FAM120B: variants seen among roughly 807,000 people sequenced by gnomAD.
FAM120B encodes constitutive coactivator of peroxisome proliferator-activated receptor gamma.
Under a neutral mutation model 96.3 loss-of-function variants are expected in FAM120B, and 83 were observed. The observed-to-expected ratio is 0.86, with a 90% confidence interval of 0.72 to 1.03. FAM120B has a LOEUF of 1.03. FAM120B is among the 50% of genes least tolerant of loss of function. FAM120B has a pLI of 0.00. For missense variants in FAM120B, 1,027 were observed against 1,121.2 expected (o/e 0.92, Z 1.20); for synonymous variants, 407 against 402.7 (o/e 1.01, Z -0.13).
chr6:170,373,872 C>T (rs1409040307), intron 6 of FAM120B, among the ~76,000 whole-genome samples: 1 of 152,114 alleles, frequency 6.6e-6, no homozygotes, highest in Non-Finnish European at 1.5e-5. Flanking sequence ...TTGTTGATGC[C>T]GGATATAAAT....
At chr6:170,379,085 T>C (rs1789752507) in intron 6 of FAM120B, among the ~76,000 whole-genome samples, 1 of 152,188 alleles carries the variant, frequency 6.6e-6, no homozygotes, top group Non-Finnish European at 1.5e-5. Flanking sequence ...AGGAATGACA[T>C]GACCCAACTC....
At chr6:170,404,709 C>T in intron 10 of FAM120B, 54 bp from the exon 11 acceptor site, 1 of 837,468 alleles carries the variant, frequency 1.2e-6, no homozygotes, top group Non-Finnish European at 2.0e-6. Context: ...ATATTGAATC[C>T]TGCTGACCTG....
At chr6:170,390,980 C>G (rs1344078456) in intron 7 of FAM120B, 33 bp from the exon 8 acceptor site, 2 of 1,585,460 alleles carry the variant, frequency 1.3e-6, no homozygotes, top group East Asian at 2.2e-5. Flanking sequence ...CATCTGGCCC[C>G]TCACATCTCA....
In FAM120B at chr6:170,391,040, C is replaced by T. The variant is rs775049495; in HGVS notation, c.2518C>T (p.Leu840=). Residue 840 remains leucine (L), a synonymous_variant, in exon 8 of 11, where the codon CTG becomes TTG. Transcript: ENST00000476287. ...ATCTCGGCTCACCAAATTCCACAAC[C>T]TGAAGGCAGTCGTCTGCAAGGCCTG... ...NRSRLTKFHN[L]KAVVCKACMK... is the part of the protein sequence containing the mutation. The T allele has an allele frequency of 1.7e-5, 28 of 1,614,062 alleles. No individual in the cohort carries two copies. The highest frequency in any genetic ancestry group is 8.5e-7 in the Non-Finnish European group (1 of 1,180,052).
chr6:170,317,285 A>G (rs1395897802), intron 1 of FAM120B, 85 bp from the exon 2 acceptor site: 1 of 1,081,112 alleles, frequency 9.2e-7, no homozygotes, highest in African/African-American at 1.6e-5. Context: ...AACAGTGTGA[A>G]TATTAACTAC....
intron 1 of FAM120B, among the ~76,000 whole-genome samples, chr6:170,313,063 A>T (rs1784686147): frequency 1.3e-5 from 2 of 152,218 alleles, no homozygotes; most frequent in African/African-American, 4.8e-5. Flanking sequence ...GTGATTGGGA[A>T]TTCTTGCAAA....
At chr6:170,353,691 AT>A (rs1787722129) in intron 5 of FAM120B, among the ~76,000 whole-genome samples, 1 of 152,228 alleles carries the variant, frequency 6.6e-6, no homozygotes, top group Admixed American at 6.5e-5. Context: ...AAAGAATAAA[AT>A]ACCTAGTAAT....
intron 4 of FAM120B, among the ~76,000 whole-genome samples, chr6:170,333,293 C>G (rs1786188066): frequency 6.6e-6 from 1 of 151,790 alleles, no homozygotes; most frequent in Non-Finnish European, 1.5e-5. Flanking sequence ...GCCCCTTCTT[C>G]CGTGTGAAGG....
At chr6:170,396,441 T>C (rs1044070669) in intron 9 of FAM120B, among the ~76,000 whole-genome samples, 2 of 152,256 alleles carry the variant, frequency 1.3e-5, no homozygotes, top group African/African-American at 4.8e-5. Flanking sequence ...AGATGAGAAT[T>C]GATGGTGAAT....
rs1785130823 is a variant in FAM120B at position 170,319,133 on chromosome 6, A to G, written c.1734+9A>G. The G allele has an allele frequency of 6.5e-7, 1 of 1,539,214 alleles. No homozygotes were observed. Among genetic ancestry groups the G allele is most frequent in the Non-Finnish European group, 8.7e-7 (1 of 1,151,646 alleles). On this transcript the variant is annotated intron_variant, in intron 2 of 10. Transcript: ENST00000476287. ...ACACTGAAATCTTAAAGGTATGTGT[A>G]TCTGCCCAGCCAATATGCCATGATT...
chr6:170,357,718 T>C (rs574111775), intron 5 of FAM120B, among the ~76,000 whole-genome samples: 199 of 152,346 alleles, frequency 1.3e-3, no homozygotes, highest in Non-Finnish European at 2.2e-3. Context: ...CTGGTCTTGG[T>C]TGGCACCTCA....
chr6:170,346,283 C>G (rs1312370445), intron 4 of FAM120B, among the ~76,000 whole-genome samples: 1 of 152,016 alleles, frequency 6.6e-6, no homozygotes, highest in Non-Finnish European at 1.5e-5. Flanking sequence ...GGGACATGAC[C>G]TTTCAGCCAT....
At chr6:170,354,030 G>A (rs1787741302) in intron 5 of FAM120B, among the ~76,000 whole-genome samples, 1 of 152,106 alleles carries the variant, frequency 6.6e-6, no homozygotes. Flanking sequence ...TATTCTACAA[G>A]GCTACCATAA....
At position 170,406,866 on chromosome 6, in the gene FAM120B, T is replaced by G. The variant is rs1204642448; in HGVS notation, c.*2115T>G. ...TCCTTCATAATACCTAAATTCTAGTTTGTCAGTAAAATATTTGTGTTTGGT... is the reference window on the plus strand; with the variant it reads ...TCCTTCATAATACCTAAATTCTAGTGTGTCAGTAAAATATTTGTGTTTGGT... On this transcript the variant is annotated 3_prime_UTR_variant, in exon 11 of 11. Transcript: ENST00000476287. 1 of 152,244 alleles carries G rather than the reference T, an allele frequency of 6.6e-6. No individual in the cohort carries two copies. The highest frequency in any genetic ancestry group is 1.5e-5 in the Non-Finnish European group (1 of 68,042). 9.4% of individuals were successfully genotyped at this position (152,244 alleles called of 1,614,324 possible). A position where few individuals can be genotyped will look rare whatever the true frequency, so the allele number is the denominator to read the frequency against.
chr6:170,337,211 A>G (rs1786493745), intron 4 of FAM120B, among the ~76,000 whole-genome samples: 3 of 152,152 alleles, frequency 2.0e-5, no homozygotes, highest in Non-Finnish European at 4.4e-5. Flanking sequence ...ATCTTCCGTC[A>G]ATACCTAGTT....
intron 6 of FAM120B, among the ~76,000 whole-genome samples, chr6:170,367,977 C>T (rs1419633071): frequency 6.6e-6 from 1 of 152,166 alleles, no homozygotes; most frequent in African/African-American, 2.4e-5. Context: ...ATTAGGGGGC[C>T]TTACAAGCAT....
intron 8 of FAM120B, among the ~76,000 whole-genome samples, chr6:170,391,852 G>T (rs1014992296): frequency 6.6e-6 from 1 of 152,180 alleles, no homozygotes; most frequent in African/African-American, 2.4e-5. Context: ...AAGGTTTTCT[G>T]TGTTTGCATC....
upstream of FAM120B, among the ~76,000 whole-genome samples, chr6:170,292,965 G>A (rs1470652704): frequency 6.6e-6 from 1 of 152,190 alleles, no homozygotes; most frequent in Non-Finnish European, 1.5e-5. The surrounding 1 kb of genome is among the most constrained non-coding windows in gnomAD (Gnocchi z 6.6). Flanking sequence ...AGCAAATGGA[G>A]GCTTCAGAAG....
intron 6 of FAM120B, among the ~76,000 whole-genome samples, chr6:170,385,385 A>G (rs1443339104): frequency 6.6e-6 from 1 of 152,246 alleles, no homozygotes; most frequent in Non-Finnish European, 1.5e-5. Flanking sequence ...AAAGGCTGAA[A>G]ATCAATGATC....
Sources: allele counts gnomAD v4.1 joint callset (sites outside exome capture counted in the v4.1 genomes callset), GRCh38; gene constraint gnomAD v4.1.1; non-coding constraint Gnocchi (gnomAD v3.1); transcripts MANE v1.5; gene names NCBI Gene and HGNC (gene_info 2026-07-23, HGNC 2026-07-21).